ETV1: variants seen among roughly 807,000 people sequenced by gnomAD.
ETV1 encodes the protein ETS variant transcription factor 1, also known as ETS translocation variant 1.
ETV1 carries 27 observed loss-of-function variants against 62.3 expected under a neutral mutation model. That is an observed-to-expected ratio of 0.43 (90% CI 0.32 to 0.60). The LOEUF (loss-of-function observed/expected upper bound fraction) is 0.60, where lower values mean the gene tolerates loss of function less well. ETV1 is among the 20% of genes least tolerant of loss of function. ETV1 has a pLI of 0.06. For synonymous variants in ETV1, 222 were observed against 199.6 expected, an observed-to-expected ratio of 1.11 and a Z score of -0.94; for missense variants, 605 against 605.8, an observed-to-expected ratio of 1.00 and a Z score of 0.01.
At position 13,961,630 on chromosome 7, in the gene ETV1, T is replaced by TA. The variant is rs748336052; in HGVS notation, c.235+15796dup. On this transcript the variant is annotated intron_variant, in intron 6 of 13. Transcript: ENST00000430479. Reference sequence around the variant, plus strand: ...TTCAATGAATACATCAACTTTGAAATAAAAAAAAACATTGAGGATAGAAGC... The same window carrying TA: ...TTCAATGAATACATCAACTTTGAAATAAAAAAAAAACATTGAGGATAGAAGC... 5.3e-4 allele frequency among the ~76,000 whole-genome samples: 80 copies of TA among 151,078 alleles called. No individual in the cohort carries two copies. In the Middle Eastern group the frequency reaches 0.01, roughly 19 times the overall value.
chr7:13,989,548 G>A lies in ETV1; in HGVS notation c.-285+15C>T, dbSNP rs1263866413. 7.5e-6 allele frequency: 3 copies of A among 399,100 alleles called. No individual in the cohort carries two copies. The East Asian group carries it at 1.1e-4, about 14-fold the overall frequency. 24.7% of individuals were successfully genotyped at this position (399,100 alleles called of 1,614,324 possible). Reference sequence around the variant, plus strand: ...ATTATCTGGAGAGACATAAAAAGTTGTTGGAAAGACCCACCTGAAGGCCAC... The same window carrying A: ...ATTATCTGGAGAGACATAAAAAGTTATTGGAAAGACCCACCTGAAGGCCAC... On this transcript the variant is annotated intron_variant, in intron 1 of 13. Coordinates refer to ENST00000430479, the MANE Select transcript of ETV1 (RefSeq NM_004956.5).
intron 9 of ETV1, among the ~76,000 whole-genome samples, chr7:13,919,747 A>C (rs911442653): frequency 2.6e-5 from 4 of 152,150 alleles, no homozygotes; most frequent in African/African-American, 4.8e-5. Flanking sequence ...AAGTATAGAA[A>C]TCATTTAAGT....
At chr7:13,899,999 C>T (rs957182354) in intron 13 of ETV1, among the ~76,000 whole-genome samples, 3 of 152,104 alleles carry the variant, frequency 2.0e-5, no homozygotes, top group Admixed American at 6.5e-5. Flanking sequence ...TGTGGTGGTG[C>T]GCACCTGTAG....
At position 13,989,646 on chromosome 7, in the gene ETV1, T is replaced by C. The variant is rs1782870867; in HGVS notation, c.-368A>G. 1 of 398,938 alleles carries C rather than the reference T, an allele frequency of 2.5e-6. No individual in the cohort carries two copies. The highest frequency in any genetic ancestry group is 4.4e-6 in the Non-Finnish European group (1 of 226,124). The allele number at this position is 398,938 out of a possible 1,614,324, so 24.7% of individuals were successfully genotyped here. On this transcript the variant is annotated 5_prime_UTR_variant, in exon 1 of 14. Coordinates refer to ENST00000430479, the MANE Select transcript of ETV1 (RefSeq NM_004956.5). ...TTAATTATAGCCCAGCACTTCCCCC[T>C]TGGAAGCCGAAAGCGCCTCTGACAG...
chr7:13,982,108 C>T (rs1782044206), intron 5 of ETV1, among the ~76,000 whole-genome samples: 1 of 152,070 alleles, frequency 6.6e-6, no homozygotes, highest in Admixed American at 6.6e-5. Context: ...TATATTCTTA[C>T]TGTAACAGTA....
In ETV1 at chr7:13,896,887, T is replaced by A. The variant is rs147429695; in HGVS notation, c.1213-800A>T. Among the ~76,000 whole-genome samples, 700 of 151,870 alleles carry A rather than the reference T, an allele frequency of 4.6e-3. 5 individuals are homozygous for A. Among genetic ancestry groups the A allele is most frequent in the Middle Eastern group, 0.017 (5 of 292 alleles). On this transcript the variant is annotated intron_variant, in intron 13 of 13. Coordinates refer to ENST00000430479, the MANE Select transcript of ETV1 (RefSeq NM_004956.5). Reference sequence around the variant, plus strand: ...TGAAGGCAAGATGCATTAGACAGAGTTAAGGATGTGTGTAAAGTGTCAAAT... The same window carrying A: ...TGAAGGCAAGATGCATTAGACAGAGATAAGGATGTGTGTAAAGTGTCAAAT...
intron 10 of ETV1, 21 bp downstream of exon 10, chr7:13,911,218 T>G (rs1310696770): frequency 6.3e-7 from 1 of 1,581,144 alleles, no homozygotes; most frequent in Non-Finnish European, 8.7e-7. Flanking sequence ...TTACACGGAA[T>G]TTCAGTGGTG....
chr7:13,917,521 T>TA (rs2128428885), intron 9 of ETV1, among the ~76,000 whole-genome samples: 1 of 152,002 alleles, frequency 6.6e-6, no homozygotes, highest in South Asian at 2.1e-4. Flanking sequence ...TTCACTATCT[T>TA]AAGTCAGGCT....
intron 5 of ETV1, among the ~76,000 whole-genome samples, chr7:13,980,028 A>G (rs1312897312): frequency 6.6e-6 from 1 of 152,184 alleles, no homozygotes; most frequent in Non-Finnish European, 1.5e-5. Flanking sequence ...CACGATAACA[A>G]TCTGTAAAGA....
intron 6 of ETV1, among the ~76,000 whole-genome samples, chr7:13,976,165 C>T (rs982034485): frequency 2.6e-5 from 4 of 152,140 alleles, no homozygotes; most frequent in East Asian, 1.9e-4. Flanking sequence ...GTTTTCTTCT[C>T]GGATCAAAAA....
chr7:13,972,724 C>T (rs1056990823), intron 6 of ETV1, among the ~76,000 whole-genome samples: 6 of 152,094 alleles, frequency 3.9e-5, no homozygotes, highest in Non-Finnish European at 5.9e-5. Flanking sequence ...TTCTCTTAGC[C>T]TTCATCGATT....
chr7:13,917,813 A>G (rs939870895), intron 9 of ETV1, among the ~76,000 whole-genome samples: 1 of 151,796 alleles, frequency 6.6e-6, no homozygotes, highest in East Asian at 2.0e-4. Context: ...AAACACAAAA[A>G]ATTAGCCGGG....
chr7:13,955,566 A>C (rs1027450868), intron 6 of ETV1, among the ~76,000 whole-genome samples: 1 of 152,210 alleles, frequency 6.6e-6, no homozygotes, highest in African/African-American at 2.4e-5. Flanking sequence ...AAGGAAAGCC[A>C]AGCAAGAAAG....
chr7:13,937,738 T>C (rs543475471), intron 7 of ETV1, among the ~76,000 whole-genome samples: 1 of 152,330 alleles, frequency 6.6e-6, no homozygotes, highest in African/African-American at 2.4e-5. Flanking sequence ...GATCGATCAA[T>C]ACTGTCTTAT....
Position 13,930,850 on chromosome 7 carries a change from G to A in ETV1, c.802+652C>T, listed in dbSNP as rs527304763. 3.3e-5 allele frequency among the ~76,000 whole-genome samples: 5 copies of A among 151,848 alleles called. No homozygotes were observed. In the East Asian group the frequency reaches 9.8e-4, roughly 30 times the overall value. The stretch of plus-strand genomic sequence containing the variant: ...GAGTCTCTCTCTGTCACCCAGGCTG[G>A]AGTGCAGTGGTGCGATCTCGGCTCA... On this transcript the variant is annotated intron_variant, in intron 9 of 13. Coordinates refer to ENST00000430479, the MANE Select transcript of ETV1 (RefSeq NM_004956.5).
intron 9 of ETV1, among the ~76,000 whole-genome samples, chr7:13,914,617 C>G (rs1399897930): frequency 9.1e-6 from 1 of 110,374 alleles, no homozygotes; most frequent in Admixed American, 9.5e-5. Flanking sequence ...AGACAAGAAA[C>G]TAAAAAAAAA....
chr7:13,966,638 C>A (rs1427698642), intron 6 of ETV1, among the ~76,000 whole-genome samples: 1 of 151,952 alleles, frequency 6.6e-6, no homozygotes, highest in African/African-American at 2.4e-5. Flanking sequence ...CAGAGTGAGA[C>A]CCTGTCTCAA....
At chr7:13,987,478 C>T (rs1477457539) in intron 4 of ETV1, among the ~76,000 whole-genome samples, 2 of 152,102 alleles carry the variant, frequency 1.3e-5, no homozygotes, top group African/African-American at 4.8e-5. Flanking sequence ...GACATCCTAG[C>T]AACAGTTCAT....
At chr7:13,950,065 G>C (rs76892424) in intron 6 of ETV1, among the ~76,000 whole-genome samples, 5,978 of 152,114 alleles carry the variant, frequency 0.039, 303 homozygotes, top group African/African-American at 0.12. Context: ...GGAACATCAG[G>C]GTTTTTAAAC....
Sources: gnomAD v4.1 joint callset for allele counts (sites outside exome capture counted in the v4.1 genomes callset) on GRCh38, gnomAD v4.1.1 for gene constraint, MANE v1.5 for transcripts, NCBI Gene and HGNC (gene_info 2026-07-23, HGNC 2026-07-21) for gene names.